Variants in AKAP9 observed in about 807,000 individuals in gnomAD.
AKAP9 encodes A-kinase anchoring protein 9, also known as A-kinase anchor protein 9.
A neutral mutation model predicts 488.5 loss-of-function variants in AKAP9; 311 were observed. The ratio of observed to expected loss-of-function variants is 0.64; its 90% confidence interval spans 0.58 to 0.70. The LOEUF is 0.70. Among genes scored for constraint, AKAP9 ranks in the 30% least tolerant of loss-of-function variants. The pLI, the probability that AKAP9 is intolerant of heterozygous loss-of-function variation, is 0.00. For synonymous variants in AKAP9, 1,462 were observed against 1,483.5 expected, an observed-to-expected ratio of 0.99 and a Z score of 0.33; for missense variants, 4,215 against 4,374.5, an observed-to-expected ratio of 0.96 and a Z score of 1.03.
intron 7 of AKAP9, among the ~76,000 whole-genome samples, chr7:92,000,154 C>G (rs1299084564): frequency 6.6e-6 from 1 of 152,194 alleles, no homozygotes; most frequent in African/African-American, 2.4e-5. Context: ...AATAGAATCC[C>G]AAATAAGAAC....
Position 91,973,839 on chromosome 7 carries a change from A to G in AKAP9, c.177A>G (p.Gln59=), listed in dbSNP as rs368162150. The change falls in exon 2 of 50, where the codon CAA becomes CAG. Residue 59 remains glutamine (Q), a synonymous_variant. Coordinates refer to ENST00000356239, the MANE Select transcript of AKAP9 (RefSeq NM_005751.5). The stretch of plus-strand genomic sequence containing the variant: ...CACACCATGATTTGAATATTGATCA[A>G]TCACAGTGTAATGAAATGTACATAA... ...VSAHHDLNID[Q]SQCNEMYINS... is the part of the protein sequence containing the mutation. 3 of 1,614,026 alleles carry G rather than the reference A, an allele frequency of 1.9e-6. No homozygotes were observed. The African/African-American group carries it at 4.0e-5, about 22-fold the overall frequency.
intron 8 of AKAP9, among the ~76,000 whole-genome samples, chr7:92,008,751 C>T (rs1428886388): frequency 2.0e-5 from 3 of 151,862 alleles, no homozygotes; most frequent in East Asian, 3.9e-4. Context: ...CTTTGGGAGG[C>T]CGAGGCAGGC....
At chr7:92,022,087 A>C (rs1719603082) in intron 12 of AKAP9, 151 bp from the exon 13 acceptor site, 1 of 682,450 alleles carries the variant, frequency 1.5e-6, no homozygotes, top group African/African-American at 1.8e-5. Flanking sequence ...GAGAACAGGG[A>C]ATAACTTAGA....
intron 26 of AKAP9, 55 bp downstream of exon 26, chr7:92,066,601 T>A: frequency 6.3e-7 from 1 of 1,594,766 alleles, no homozygotes; most frequent in Non-Finnish European, 8.6e-7. Flanking sequence ...AAGTGTAAAA[T>A]AAGATGCATA....
intron 1 of AKAP9, among the ~76,000 whole-genome samples, chr7:91,967,790 G>GT (rs2130539550): frequency 6.6e-6 from 1 of 152,244 alleles, no homozygotes; most frequent in Non-Finnish European, 1.5e-5. Context: ...TCTGGTTTTG[G>GT]TATCAGGCTA....
chr7:92,016,929 A>G lies in AKAP9; in HGVS notation c.3752-88A>G, dbSNP rs933224233. The G allele has an allele frequency of 1.2e-5, 12 of 1,025,546 alleles. No individual in the cohort carries two copies. In the Admixed American group the frequency reaches 1.7e-4, roughly 14 times the overall value. The allele number at this position is 1,025,546 out of a possible 1,614,324, so 63.5% of individuals were successfully genotyped here. A position where few individuals can be genotyped will look rare whatever the true frequency, so the allele number is the denominator to read the frequency against. ...TTTACTTCTAGCAGGCAATTTTTTT[A>G]AGTTATAAATAGGTGAATAATATTT... On this transcript the variant is annotated intron_variant, in intron 11 of 49. Transcript: ENST00000356239.
At chr7:92,026,567 T>A (rs1162888017) in intron 14 of AKAP9, among the ~76,000 whole-genome samples, 1 of 152,180 alleles carries the variant, frequency 6.6e-6, no homozygotes, top group African/African-American at 2.4e-5. Flanking sequence ...GCTCCTGACC[T>A]CGAGTGATCT....
Position 92,022,927 on chromosome 7 carries a change from G to T in AKAP9, c.4066G>T (p.Glu1356Ter), listed in dbSNP as rs771545566. Reference protein sequence around the residue: ...LISSLQQQLKETEQNYEAEIH... With the variant: ...LISSLQQQLK The stretch of plus-strand genomic sequence containing the variant: ...ATCCTCTTTGCAGCAACAGTTGAAA[G>T]AAACTGAACAAAACTATGAGGCAGA... The change falls in exon 14 of 50, where the codon GAA (glutamate) becomes TAA (stop). Residue 1356 changes from glutamate to a stop codon, truncating the protein, a stop_gained. Transcript: ENST00000356239. LOFTEE classifies it high-confidence loss of function. 6.2e-7 allele frequency: 1 copy of T among 1,613,882 alleles called. No individual in the cohort carries two copies. Among genetic ancestry groups the T allele is most frequent in the Non-Finnish European group, 8.5e-7 (1 of 1,179,922 alleles).
At chr7:91,947,688 G>A (rs1791643137) in intron 1 of AKAP9, among the ~76,000 whole-genome samples, 1 of 152,116 alleles carries the variant, frequency 6.6e-6, no homozygotes, top group African/African-American at 2.4e-5. Context: ...ATTGTCTGTT[G>A]GAATAATCTT....
chr7:91,991,039 T>C (rs1797682229), intron 3 of AKAP9, among the ~76,000 whole-genome samples: 1 of 152,184 alleles, frequency 6.6e-6, no homozygotes, highest in Admixed American at 6.5e-5. Flanking sequence ...CTGTCTACCT[T>C]ATCAGATCAA....
rs548916356 is a variant in AKAP9, at chr7:92,040,689, T to C, written c.4708T>C (p.Ser1570Pro). ...IVRQSIHDEI[S>P]VSSMDASRQL... is the part of the protein sequence containing the mutation. The stretch of plus-strand genomic sequence containing the variant: ...ACTATTAAAGATTCATGATGAGATT[T>C]CAGTGTCAAGCATGGATGCTTCTAG... The change falls in exon 18 of 50, where the codon TCA becomes CCA. Residue 1570 changes from serine (S) to proline (P), a missense_variant. Ser to Pro is a moderately conservative substitution (Grantham distance 74). Around this residue, in one of 5 missense-constraint regions of AKAP9, gnomAD observed 2,361 missense variants for 2,430.0 expected, o/e 0.97. Coordinates refer to ENST00000356239, the MANE Select transcript of AKAP9 (RefSeq NM_005751.5). The C allele has an allele frequency of 6.2e-7, 1 of 1,607,244 alleles. No individual in the cohort carries two copies. Among genetic ancestry groups the C allele is most frequent in the African/African-American group, 1.3e-5 (1 of 74,710 alleles).
At chr7:92,047,419 A>G (rs535313649) in intron 21 of AKAP9, among the ~76,000 whole-genome samples, 16 of 152,210 alleles carry the variant, frequency 1.1e-4, no homozygotes, top group African/African-American at 3.6e-4. Flanking sequence ...GGGTTTCACT[A>G]TGTTAGCCAG....
Position 92,029,336 on chromosome 7 carries a change from A to G in AKAP9, c.4149-559A>G, listed in dbSNP as rs1020359777. On this transcript the variant is annotated intron_variant, in intron 14 of 49. Transcript: ENST00000356239. The stretch of plus-strand genomic sequence containing the variant: ...CTCCTGACTGAGTTCCACTAGAGGT[A>G]AACATTGTTACTTTCGATGTGTATA... 1.2e-4 allele frequency among the ~76,000 whole-genome samples: 18 copies of G among 152,360 alleles called. 1 individual carries two copies. Among genetic ancestry groups the G allele is most frequent in the African/African-American group, 3.8e-4 (16 of 41,586 alleles).
intron 8 of AKAP9, 60 bp from the exon 9 acceptor site, chr7:92,012,369 G>A: frequency 6.8e-7 from 1 of 1,471,496 alleles, no homozygotes; most frequent in South Asian, 1.2e-5. Flanking sequence ...AAAAAAAGAA[G>A]TTAAATTATT....
chr7:91,975,862 T>C (rs1795595803), intron 2 of AKAP9, among the ~76,000 whole-genome samples: 2 of 151,760 alleles, frequency 1.3e-5, no homozygotes. Flanking sequence ...TAAAGAAATG[T>C]TGAGGTTTTT....
intron 1 of AKAP9, among the ~76,000 whole-genome samples, chr7:91,964,186 C>G (rs559627831): frequency 6.6e-6 from 1 of 152,292 alleles, no homozygotes; most frequent in African/African-American, 2.4e-5. Flanking sequence ...TTCTCTATGC[C>G]TACAAGTACA....
At chr7:91,953,858 C>G (rs1008338864) in intron 1 of AKAP9, among the ~76,000 whole-genome samples, 1 of 145,824 alleles carries the variant, frequency 6.9e-6, no homozygotes, top group Non-Finnish European at 1.5e-5. Context: ...GGTATGCTGC[C>G]ACCAGGTGGC....
In AKAP9 at chr7:92,062,360, G is replaced by C. The variant is rs1368985096; in HGVS notation, c.5851G>C (p.Glu1951Gln). ...TGATATAATAGATCGTCTTGAGCAG[G>C]AGTTGTTATGTGCAAGTAACAGGTT... ...KTDIIDRLEQELLCASNRLQE... is the reference protein window; with the variant it reads ...KTDIIDRLEQQLLCASNRLQE... Residue 1951 changes from glutamate to glutamine, a missense_variant, in exon 24 of 50, where the codon GAG becomes CAG. By Grantham distance (29) the Glu-to-Gln change is conservative. Coordinates refer to ENST00000356239, the MANE Select transcript of AKAP9 (RefSeq NM_005751.5). 2 of 1,613,800 alleles carry C rather than the reference G, an allele frequency of 1.2e-6. No individual in the cohort carries two copies. The highest frequency in any genetic ancestry group is 3.3e-5 in the Admixed American group (2 of 59,984).
intron 22 of AKAP9, among the ~76,000 whole-genome samples, chr7:92,054,436 T>TCAGGAAAA: frequency 6.6e-6 from 1 of 152,080 alleles, no homozygotes; most frequent in East Asian, 1.9e-4. Flanking sequence ...AAAGAGAAAT[T>TCAGGAAAA]CAGGAAAATA....
Sources: gnomAD v4.1 joint callset for allele counts (sites outside exome capture counted in the v4.1 genomes callset) on GRCh38, gnomAD v4.1.1 for gene constraint, gnomAD v4.1.1 regional missense constraint, MANE v1.5 for transcripts, NCBI Gene and HGNC (gene_info 2026-07-23, HGNC 2026-07-21) for gene names.